The following ERBB4 variants were observed in gnomAD, a reference collection of about 807,000 sequenced individuals.
The protein encoded by ERBB4 is erb-b2 receptor tyrosine kinase 4.
In ERBB4, 42 loss-of-function variants were observed where a neutral mutation model predicts 158.0. That is an observed-to-expected ratio of 0.27 (90% CI 0.21 to 0.34). The LOEUF is 0.34. ERBB4 is among the 10% of genes least tolerant of loss of function. The probability of loss-of-function intolerance (pLI) is 1.00; values close to 1 mark genes in which losing one functional copy is unlikely to be tolerated. For synonymous variants in ERBB4, 583 were observed against 558.7 expected, an observed-to-expected ratio of 1.04 and a Z score of -0.61; for missense variants, 1,333 against 1,624.1, an observed-to-expected ratio of 0.82 and a Z score of 3.08.
intron 1 of ERBB4, among the ~76,000 whole-genome samples, chr2:212,302,241 C>T (rs976295239): frequency 7.3e-5 from 11 of 151,472 alleles, no homozygotes; most frequent in African/African-American, 2.7e-4. Context: ...ACCTGGTACA[C>T]AGGAAATTGA....
chr2:212,165,477 T>C (rs2081320459), intron 1 of ERBB4, among the ~76,000 whole-genome samples: 1 of 151,980 alleles, frequency 6.6e-6, no homozygotes. Context: ...AAATAGTGAC[T>C]GATCTCAACA....
rs563025303 is a variant in ERBB4, at chr2:211,591,630, C to T, written c.2301+27547G>A. Among the ~76,000 whole-genome samples the T allele has an allele frequency of 7.3e-4, 111 of 152,300 alleles. 1 individual carries two copies. The highest frequency in any genetic ancestry group is 1.1e-3 in the Non-Finnish European group (75 of 68,026). On this transcript the variant is annotated intron_variant, in intron 19 of 27. Coordinates refer to ENST00000342788, the MANE Select transcript of ERBB4 (RefSeq NM_005235.3). ...GGCTCCCACAGCATGTAATAGGTAC[C>T]GCTATTATAGCACTAACTGCACTAG...
In ERBB4 at chr2:211,702,061, G is replaced by A. The variant is rs200755699; in HGVS notation, c.1395C>T (p.Asn465=). The change falls in exon 12 of 28, where the codon AAC becomes AAT. Residue 465 remains asparagine, a synonymous_variant. Coordinates refer to ENST00000342788, the MANE Select transcript of ERBB4 (RefSeq NM_005235.3). Reference sequence around the variant, plus strand: ...AGTTAATGGTATGATAATAACACAGGTTGCTGTTGTCAGTAATATAGATGT... The same window carrying A: ...AGTTAATGGTATGATAATAACACAGATTGCTGTTGTCAGTAATATAGATGT... ...AGNIYITDNS[N]LCYYHTINWT... The A allele has an allele frequency of 4.3e-6, 7 of 1,613,576 alleles. No individual in the cohort carries two copies. Among genetic ancestry groups the A allele is most frequent in the Non-Finnish European group, 5.9e-6 (7 of 1,179,560 alleles).
intron 2 of ERBB4, among the ~76,000 whole-genome samples, chr2:212,020,103 C>T (rs1433976611): frequency 6.6e-6 from 1 of 152,024 alleles, no homozygotes; most frequent in Non-Finnish European, 1.5e-5. Context: ...TCCACAGCAT[C>T]CTTAATGCAT....
intron 3 of ERBB4, among the ~76,000 whole-genome samples, chr2:211,945,832 C>T (rs2080672525): frequency 6.6e-6 from 1 of 151,962 alleles, no homozygotes; most frequent in African/African-American, 2.4e-5. Flanking sequence ...AACAGCACAT[C>T]TTATGGAATA....
intron 1 of ERBB4, among the ~76,000 whole-genome samples, chr2:212,220,549 A>G (rs935767093): frequency 2.0e-5 from 3 of 151,406 alleles, no homozygotes; most frequent in Non-Finnish European, 4.4e-5. Flanking sequence ...TTCCTGGGAT[A>G]ATATATAGCA....
At chr2:211,516,269 T>G (rs1437557075) in intron 20 of ERBB4, among the ~76,000 whole-genome samples, 1 of 151,824 alleles carries the variant, frequency 6.6e-6, no homozygotes, top group African/African-American at 2.4e-5. Flanking sequence ...AACACATTAA[T>G]TTTTAGCCTT....
Position 211,576,671 on chromosome 2 carries a change from C to A in ERBB4, c.2302-14583G>T, listed in dbSNP as rs1273522882. On this transcript the variant is annotated intron_variant, in intron 19 of 27. Coordinates refer to ENST00000342788, the MANE Select transcript of ERBB4 (RefSeq NM_005235.3). The stretch of plus-strand genomic sequence containing the variant: ...AATTATTAAAAAGACATATATCCTA[C>A]TCTTAAATAGCCAATATCCTAGGAT... Among the ~76,000 whole-genome samples the A allele has an allele frequency of 4.6e-5, 7 of 152,028 alleles. No homozygotes were observed. In the East Asian group the frequency reaches 1.3e-3, roughly 29 times the overall value.
chr2:212,173,600 G>C (rs2081581019), intron 1 of ERBB4, among the ~76,000 whole-genome samples: 1 of 152,108 alleles, frequency 6.6e-6, no homozygotes, highest in Non-Finnish European at 1.5e-5. Flanking sequence ...TTCACTGAAT[G>C]CATGCACAAC....
intron 3 of ERBB4, among the ~76,000 whole-genome samples, chr2:211,849,082 G>A (rs1404945964): frequency 6.6e-6 from 1 of 152,040 alleles, no homozygotes; most frequent in Non-Finnish European, 1.5e-5. Flanking sequence ...ACTATGAATG[G>A]TGTGTATGTA....
intron 3 of ERBB4, among the ~76,000 whole-genome samples, chr2:211,867,467 A>C (rs1409141479): frequency 6.6e-6 from 1 of 152,270 alleles, no homozygotes; most frequent in African/African-American, 2.4e-5. Flanking sequence ...AGAAAATCAA[A>C]TAGTAATTTT....
intron 2 of ERBB4, among the ~76,000 whole-genome samples, chr2:212,002,472 A>G (rs1031155645): frequency 6.6e-6 from 1 of 152,200 alleles, no homozygotes; most frequent in East Asian, 1.9e-4. Context: ...GCAGAGGACA[A>G]CAGGCAAGCT....
chr2:211,512,447 C>CAAAA (rs35256083), intron 20 of ERBB4, among the ~76,000 whole-genome samples: 4 of 147,168 alleles, frequency 2.7e-5, no homozygotes, highest in Admixed American at 1.4e-4. Context: ...ACCAAAATCT[C>CAAAA]AAAAAAAAAA....
At chr2:212,527,510 C>A (rs550681804) in intron 1 of ERBB4, among the ~76,000 whole-genome samples, 51 of 152,038 alleles carry the variant, frequency 3.4e-4, no homozygotes, top group African/African-American at 1.2e-3. Context: ...GAGCAATATT[C>A]CTAAAATGTG....
intron 20 of ERBB4, among the ~76,000 whole-genome samples, chr2:211,559,857 CAGAG>C (rs1472534986): frequency 3.3e-5 from 5 of 152,102 alleles, no homozygotes; most frequent in Non-Finnish European, 7.4e-5. Flanking sequence ...ACCATATAGA[CAGAG>C]AGATAGTAAA....
At chr2:211,718,104 G>A (rs1166537400) in intron 7 of ERBB4, among the ~76,000 whole-genome samples, 1 of 151,990 alleles carries the variant, frequency 6.6e-6, no homozygotes, top group Non-Finnish European at 1.5e-5. Context: ...TACAGATGGG[G>A]TTTCACTATG....
intron 3 of ERBB4, among the ~76,000 whole-genome samples, chr2:211,918,609 C>T (rs2079767718): frequency 6.6e-6 from 1 of 152,140 alleles, no homozygotes; most frequent in Non-Finnish European, 1.5e-5. Context: ...GTACTATTCT[C>T]CATATACTTC....
chr2:212,099,544 T>A (rs1330486190), intron 2 of ERBB4, among the ~76,000 whole-genome samples: 1 of 152,166 alleles, frequency 6.6e-6, no homozygotes, highest in Non-Finnish European at 1.5e-5. Flanking sequence ...AAGGCACAAT[T>A]AATAGCTATC....
intron 5 of ERBB4, among the ~76,000 whole-genome samples, chr2:211,730,728 A>T (rs1184753742): frequency 6.6e-6 from 1 of 152,068 alleles, no homozygotes; most frequent in Non-Finnish European, 1.5e-5. Context: ...CAGAATATAG[A>T]GTAGTTTCAA....
Sources: allele counts gnomAD v4.1 joint callset (sites outside exome capture counted in the v4.1 genomes callset), GRCh38; gene constraint gnomAD v4.1.1; transcripts MANE v1.5; gene names NCBI Gene and HGNC (gene_info 2026-07-23, HGNC 2026-07-21).